The following STARD9 variants were observed in gnomAD, a reference collection of about 807,000 sequenced individuals.
STARD9 encodes the protein StAR related lipid transfer domain containing 9, also known as stAR-related lipid transfer protein 9.
In STARD9, 346 loss-of-function variants were observed where a neutral mutation model predicts 399.8. That is an observed-to-expected ratio of 0.87 (90% CI 0.79 to 0.95). STARD9 has a LOEUF of 0.95. Ranked by LOEUF, STARD9 falls within the 40% of genes least tolerant of loss-of-function variation. STARD9 has a pLI of 0.00. For synonymous variants in STARD9, 2,203 were observed against 2,143.5 expected, an observed-to-expected ratio of 1.03 and a Z score of -0.77; for missense variants, 5,832 against 5,667.5, an observed-to-expected ratio of 1.03 and a Z score of -0.93.
rs2058258187 is a variant in STARD9, at chr15:42,585,549, A to T, written c.146A>T (p.Asp49Val). ...GACAATCGACCAGATGGCTTTGGGGACTCCCGGGAGAAGGTTATGGCATTT... is the reference window on the plus strand; with the variant it reads ...GACAATCGACCAGATGGCTTTGGGGTCTCCCGGGAGAAGGTTATGGCATTT... ...KVDNRPDGFG[D>V]SREKVMAFGF... Residue 49 changes from aspartate (D) to valine (V), a missense_variant, in exon 3 of 33, where the codon GAC becomes GTC. This residue lies in a region of STARD9 where 5,828 missense variants were observed against 5,651.1 expected (regional missense o/e 1.03). Coordinates refer to ENST00000290607, the MANE Select transcript of STARD9 (RefSeq NM_020759.3). 6.5e-7 allele frequency: 1 copy of T among 1,536,642 alleles called. No homozygotes were observed. The highest frequency in any genetic ancestry group is 1.2e-5 in the South Asian group (1 of 84,034).
intron 9 of STARD9, among the ~76,000 whole-genome samples, chr15:42,656,399 G>A (rs1242846043): frequency 4.5e-5 from 6 of 134,030 alleles, no homozygotes; most frequent in South Asian, 4.8e-4. Context: ...AAAAGGGAAC[G>A]CTTTTACACT....
intron 9 of STARD9, among the ~76,000 whole-genome samples, chr15:42,652,832 G>A (rs1340880710): frequency 6.6e-6 from 1 of 151,938 alleles, no homozygotes; most frequent in Non-Finnish European, 1.5e-5. Context: ...ACGCCACCAT[G>A]CCCGGCTAAT....
chr15:42,681,659 C>A (rs192668569), intron 21 of STARD9, 47 bp downstream of exon 21: 3 of 1,436,766 alleles, frequency 2.1e-6, no homozygotes, highest in Admixed American at 4.7e-5. Context: ...CTTATTCTTT[C>A]ATTTTCATGC....
At position 42,681,509 on chromosome 15, in the gene STARD9, G is replaced by T; in HGVS notation, c.1962G>T (p.Gln654His). ...TSHRAQIQQQ[Q>H]SYVEDLRHQI... is the part of the protein sequence containing the mutation. ...ACAGGGCCCAGATTCAGCAGCAGCA[G>T]AGCTACGTAGAGGATTTGAGGCATC... Residue 654 changes from glutamine (Q) to histidine (H), a missense_variant, in exon 21 of 33, where the codon CAG becomes CAT. This residue lies in a region of STARD9 where 5,828 missense variants were observed against 5,651.1 expected (regional missense o/e 1.03). Transcript: ENST00000290607. 6.5e-7 allele frequency: 1 copy of T among 1,537,208 alleles called. No individual in the cohort carries two copies. Among genetic ancestry groups the T allele is most frequent in the South Asian group, 1.2e-5 (1 of 84,056 alleles).
intron 4 of STARD9, 84 bp from the exon 5 acceptor site, chr15:42,637,823 T>C: frequency 7.2e-7 from 1 of 1,385,820 alleles, no homozygotes; most frequent in Non-Finnish European, 9.9e-7. Context: ...TCATCCCCCA[T>C]GCTGAGGATG....
intron 3 of STARD9, among the ~76,000 whole-genome samples, chr15:42,610,050 G>A (rs1566871908): frequency 6.6e-6 from 1 of 152,052 alleles, no homozygotes; most frequent in African/African-American, 2.4e-5. Context: ...CTTAGATCAC[G>A]GCACTGAACT....
At chr15:42,608,765 A>T (rs1566870961) in intron 3 of STARD9, among the ~76,000 whole-genome samples, 1 of 152,254 alleles carries the variant, frequency 6.6e-6, no homozygotes, top group South Asian at 2.1e-4. Flanking sequence ...TTTGTGGAAG[A>T]TACTGACCTG....
Position 42,687,849 on chromosome 15 carries a change from G to T in STARD9, c.6271G>T (p.Glu2091Ter). The part of the protein sequence containing the change: ...DKELVFQDQK[E>*]QEKTDHAFRP... ...GGAGTTGGTGTTCCAGGACCAGAAG[G>T]AGCAGGAGAAGACTGACCATGCCTT... The change falls in exon 23 of 33, where the codon GAG becomes TAG. Residue 2091 changes from glutamate to a stop codon, truncating the protein, a stop_gained. Transcript: ENST00000290607. LOFTEE classifies it high-confidence loss of function. 6.5e-7 allele frequency: 1 copy of T among 1,537,290 alleles called. No individual in the cohort carries two copies. The highest frequency in any genetic ancestry group is 8.7e-7 in the Non-Finnish European group (1 of 1,146,970).
At chr15:42,620,501 A>T (rs956207583) in intron 3 of STARD9, among the ~76,000 whole-genome samples, 11 of 152,156 alleles carry the variant, frequency 7.2e-5, no homozygotes, top group African/African-American at 2.6e-4. Flanking sequence ...ATTTTCAGGA[A>T]ATTAAAGTGT....
intron 3 of STARD9, among the ~76,000 whole-genome samples, chr15:42,631,495 G>T (rs1322863909): frequency 6.6e-6 from 1 of 151,976 alleles, no homozygotes; most frequent in African/African-American, 2.4e-5. Context: ...CATGAGAATT[G>T]CTTGAACTCG....
rs767404953 is a variant in STARD9 at position 42,716,726 on chromosome 15, G to A, written c.13334G>A (p.Arg4445Gln). ...AGGGATGTATGGATAGGGGATGAGC[G>A]AGGAGGCCATTCTGCAGTGAGGAAG... The part of the protein sequence containing the change: ...DSRDVWIGDE[R>Q]GGHSAVRKNS... The change falls in exon 27 of 33, where the codon CGA (arginine) becomes CAA (glutamine). Residue 4445 changes from arginine to glutamine, a missense_variant. Coordinates refer to ENST00000290607, the MANE Select transcript of STARD9 (RefSeq NM_020759.3). 7.8e-6 allele frequency: 12 copies of A among 1,536,956 alleles called. No homozygotes were observed. Among genetic ancestry groups the A allele is most frequent in the African/African-American group, 1.4e-5 (1 of 73,026 alleles).
At chr15:42,615,576 CATATT>C (rs1306256025) in intron 3 of STARD9, among the ~76,000 whole-genome samples, 4 of 150,386 alleles carry the variant, frequency 2.7e-5, no homozygotes, top group Non-Finnish European at 3.0e-5. Context: ...ATATAAAACC[CATATT>C]ATATATATAT....
intron 8 of STARD9, 67 bp downstream of exon 8, chr15:42,651,152 T>A: frequency 8.5e-7 from 1 of 1,178,408 alleles, no homozygotes; most frequent in African/African-American, 1.5e-5. Context: ...CCCATTTCCC[T>A]TTGGGGAGTG....
chr15:42,629,901 G>T (rs2059295025), intron 3 of STARD9: 1 of 151,002 alleles, frequency 6.6e-6, no homozygotes, highest in South Asian at 2.1e-4. Flanking sequence ...CCTTCATTCT[G>T]TTGACATGAT....
chr15:42,695,982 C>T, intron 26 of STARD9, 102 bp downstream of exon 26: 1 of 1,282,760 alleles, frequency 7.8e-7, no homozygotes, highest in East Asian at 2.5e-5. Context: ...GACGCCGTGC[C>T]TCCTGGAGGC....
At chr15:42,683,206 A>G (rs2060472312) in intron 22 of STARD9, among the ~76,000 whole-genome samples, 1 of 152,208 alleles carries the variant, frequency 6.6e-6, no homozygotes, top group African/African-American at 2.4e-5. Context: ...GGACGTTCAC[A>G]ATTAACGTCT....
In STARD9 at chr15:42,690,619, C is replaced by T; in HGVS notation, c.9041C>T (p.Ser3014Phe). 6.5e-7 allele frequency: 1 copy of T among 1,537,238 alleles called. No homozygotes were observed. Among genetic ancestry groups the T allele is most frequent in the Non-Finnish European group, 8.7e-7 (1 of 1,146,908 alleles). ...GAAATGGATGAGACAGGAGAGATCTCTAGGGGACCTGATGTGCACTTGACA... is the reference window on the plus strand; with the variant it reads ...GAAATGGATGAGACAGGAGAGATCTTTAGGGGACCTGATGTGCACTTGACA... ...AYEMDETGEISRGPDVHLTHG... is the reference protein window; with the variant it reads ...AYEMDETGEIFRGPDVHLTHG... Residue 3014 changes from serine to phenylalanine, a missense_variant, in exon 23 of 33, where the codon TCT becomes TTT. Transcript: ENST00000290607.
chr15:42,686,645 C>G lies in STARD9; in HGVS notation c.5067C>G (p.Asp1689Glu). ...TCCAGCCAGGGCAATTAAGTCCCGA[C>G]AGCCACTACCCACTAGAGGAAGAGA... is the stretch of plus-strand genomic sequence containing the variant. ...SAVQPGQLSP[D>E]SHYPLEEEKT... The change falls in exon 23 of 33, where the codon GAC becomes GAG. Residue 1689 changes from aspartate to glutamate, a missense_variant. This residue lies in a region of STARD9 where 5,828 missense variants were observed against 5,651.1 expected (regional missense o/e 1.03). Transcript: ENST00000290607. 6.5e-7 allele frequency: 1 copy of G among 1,537,474 alleles called. No homozygotes were observed. Among genetic ancestry groups the G allele is most frequent in the African/African-American group, 1.4e-5 (1 of 73,172 alleles).
Position 42,661,151 on chromosome 15 carries a change from C to T in STARD9, c.703-7C>T, listed in dbSNP as rs1027651829. ...AAATGACAGGCTTTAAATGTTTTCTCCTCTAGGCAATCCTGGAGAACAACC... is the reference window on the plus strand; with the variant it reads ...AAATGACAGGCTTTAAATGTTTTCTTCTCTAGGCAATCCTGGAGAACAACC... On this transcript the variant is annotated splice_polypyrimidine_tract_variant and splice_region_variant and intron_variant, in intron 9 of 32. Transcript: ENST00000290607. 6.5e-6 allele frequency: 10 copies of T among 1,533,440 alleles called. No homozygotes were observed. The highest frequency in any genetic ancestry group is 1.4e-5 in the African/African-American group (1 of 72,946). The allele number at this position is 1,533,440 out of a possible 1,614,324, so 95.0% of individuals were successfully genotyped here. A position where few individuals can be genotyped will look rare whatever the true frequency, so the allele number is the denominator to read the frequency against.
Sources: allele counts gnomAD v4.1 joint callset (sites outside exome capture counted in the v4.1 genomes callset), GRCh38; gene constraint gnomAD v4.1.1; regional missense constraint gnomAD v4.1.1; transcripts MANE v1.5; gene names NCBI Gene and HGNC (gene_info 2026-07-23, HGNC 2026-07-21).